The following RIT2 variants were observed in gnomAD, a reference collection of about 807,000 sequenced individuals.
RIT2 encodes Ras like without CAAX 2, also known as GTP-binding protein Rit2.
RIT2 carries 24 observed loss-of-function variants against 23.7 expected under a neutral mutation model. That is an observed-to-expected ratio of 1.01 (90% CI 0.73 to 1.43). The LOEUF (loss-of-function observed/expected upper bound fraction) is 1.43. Among genes scored for constraint, RIT2 ranks in the 40% most tolerant of loss-of-function variants. The pLI is 0.00. For synonymous variants in RIT2, 107 were observed against 91.1 expected (o/e 1.17, Z -0.99); for missense variants, 236 against 266.9 (o/e 0.88, Z 0.81).
In RIT2 at chr18:42,768,280, C is replaced by T. The variant is rs559190175; in HGVS notation, c.427-24560G>A. Among the ~76,000 whole-genome samples the T allele has an allele frequency of 1.8e-4, 27 of 152,214 alleles. No homozygotes were observed. In the South Asian group the frequency reaches 2.9e-3, roughly 16 times the overall value. Reference sequence around the variant, plus strand: ...TTACCATTAACAAAATCATCTAAATCAGGATGGCAGGCTCAAGTGCTGGCC... The same window carrying T: ...TTACCATTAACAAAATCATCTAAATTAGGATGGCAGGCTCAAGTGCTGGCC... On this transcript the variant is annotated intron_variant, in intron 4 of 4. Transcript: ENST00000326695.
intron 2 of RIT2, among the ~76,000 whole-genome samples, chr18:43,019,225 G>T (rs953290877): frequency 2.0e-5 from 3 of 151,462 alleles, no homozygotes; most frequent in African/African-American, 7.3e-5. Flanking sequence ...ATCAAAACCA[G>T]AATAAGCAAC....
intron 3 of RIT2, among the ~76,000 whole-genome samples, chr18:42,928,719 G>A (rs1324100704): frequency 6.6e-6 from 1 of 151,926 alleles, no homozygotes; most frequent in Non-Finnish European, 1.5e-5. Flanking sequence ...GTCTCAATCT[G>A]ATGCCTTAAA....
chr18:42,756,826 C>G lies in RIT2; in HGVS notation c.427-13106G>C, dbSNP rs746448049. 4.2e-4 allele frequency among the ~76,000 whole-genome samples: 63 copies of G among 151,776 alleles called. 1 individual carries two copies. The highest frequency in any genetic ancestry group is 6.8e-3 in the Middle Eastern group (2 of 292). ...CATTTTAACATGGCCTAAAAATGTA[C>G]TCTTTGAAGACCAAAAAATTTTATT... is the stretch of plus-strand genomic sequence containing the variant. On this transcript the variant is annotated intron_variant, in intron 4 of 4. Coordinates refer to ENST00000326695, the MANE Select transcript of RIT2 (RefSeq NM_002930.4).
At chr18:42,984,190 T>G (rs546164440) in intron 2 of RIT2, among the ~76,000 whole-genome samples, 2 of 152,220 alleles carry the variant, frequency 1.3e-5, no homozygotes, top group South Asian at 4.1e-4. Flanking sequence ...TTACACAAAC[T>G]GTGATACAAC....
rs966180202 is a variant in RIT2 at position 42,884,278 on chromosome 18, G to A, written c.426+39294C>T. ...ATTCTCAGTTGATTTCTCTTAGCCC[G>A]GAGGGTGGAGACTCTCAAAGGAAAT... is the stretch of plus-strand genomic sequence containing the variant. On this transcript the variant is annotated intron_variant, in intron 4 of 4. Transcript: ENST00000326695. Among the ~76,000 whole-genome samples, 18 of 152,124 alleles carry A rather than the reference G, an allele frequency of 1.2e-4. 1 individual carries two copies. The highest frequency in any genetic ancestry group is 3.8e-4 in the East Asian group (2 of 5,196).
chr18:42,926,588 A>T (rs1909186427), intron 3 of RIT2, among the ~76,000 whole-genome samples: 1 of 151,968 alleles, frequency 6.6e-6, no homozygotes, highest in African/African-American at 2.4e-5. Flanking sequence ...CCTGTTAGGA[A>T]GACAAGCAAA....
chr18:43,042,088 C>T (rs987904253), intron 1 of RIT2, among the ~76,000 whole-genome samples: 1 of 152,150 alleles, frequency 6.6e-6, no homozygotes, highest in African/African-American at 2.4e-5. Flanking sequence ...TGGCAAATCA[C>T]TGCTTTCCCT....
intron 3 of RIT2, among the ~76,000 whole-genome samples, chr18:42,948,156 A>C (rs1333524292): frequency 6.6e-6 from 1 of 152,106 alleles, no homozygotes; most frequent in African/African-American, 2.4e-5. Flanking sequence ...ATTTAATCTT[A>C]TGCAGAGGAT....
chr18:42,847,985 C>T (rs1906953968), intron 4 of RIT2, among the ~76,000 whole-genome samples: 2 of 150,704 alleles, frequency 1.3e-5, no homozygotes, highest in South Asian at 4.2e-4. Context: ...CTGTGATAGG[C>T]CTCCTAGATC....
At chr18:42,857,698 T>C (rs1243484242) in intron 4 of RIT2, among the ~76,000 whole-genome samples, 1 of 152,160 alleles carries the variant, frequency 6.6e-6, no homozygotes, top group African/African-American at 2.4e-5. Flanking sequence ...ATGCCCTGGA[T>C]GTTTTTGCAT....
chr18:42,780,945 C>G (rs1225904390), intron 4 of RIT2, among the ~76,000 whole-genome samples: 1 of 151,456 alleles, frequency 6.6e-6, no homozygotes, highest in African/African-American at 2.4e-5. Flanking sequence ...ATTATCATCT[C>G]TATTTTATAT....
intron 1 of RIT2, among the ~76,000 whole-genome samples, chr18:43,069,578 C>A (rs1382608449): frequency 6.6e-6 from 1 of 152,134 alleles, no homozygotes; most frequent in Non-Finnish European, 1.5e-5. Context: ...TGCCCACCTA[C>A]AGTCTATGCT....
chr18:42,817,249 G>T (rs574775169), intron 4 of RIT2, among the ~76,000 whole-genome samples: 31 of 152,212 alleles, frequency 2.0e-4, no homozygotes, highest in African/African-American at 6.7e-4. Flanking sequence ...TGTTCTCAAA[G>T]TTGATTCTTT....
At chr18:42,928,096 TCC>T (rs1909228266) in intron 3 of RIT2, among the ~76,000 whole-genome samples, 1 of 151,950 alleles carries the variant, frequency 6.6e-6, no homozygotes, top group South Asian at 2.1e-4. Flanking sequence ...CTGATCTGAA[TCC>T]CTTTTGGCCA....
chr18:42,915,406 A>C (rs911472322), intron 4 of RIT2, among the ~76,000 whole-genome samples: 2 of 152,102 alleles, frequency 1.3e-5, no homozygotes, highest in African/African-American at 2.4e-5. Context: ...ACAAAAGGTT[A>C]GTTAAGAGTG....
chr18:43,011,760 G>A (rs1242473550), intron 2 of RIT2, among the ~76,000 whole-genome samples: 1 of 151,674 alleles, frequency 6.6e-6, no homozygotes, highest in East Asian at 1.9e-4. Context: ...TGTGTTCCTA[G>A]TGCTTTTTCA....
At chr18:42,845,930 A>C (rs1185217355) in intron 4 of RIT2, among the ~76,000 whole-genome samples, 2 of 151,970 alleles carry the variant, frequency 1.3e-5, no homozygotes, top group Non-Finnish European at 2.9e-5. Context: ...TTTTTAATGC[A>C]TATATGAGAA....
chr18:42,941,170 A>C (rs1470520910), intron 3 of RIT2, among the ~76,000 whole-genome samples: 1 of 152,134 alleles, frequency 6.6e-6, no homozygotes, highest in Non-Finnish European at 1.5e-5. Context: ...AGGCAAAAAG[A>C]AATGAGCAAA....
chr18:43,056,330 T>C (rs1236238951), intron 1 of RIT2, among the ~76,000 whole-genome samples: 1 of 152,048 alleles, frequency 6.6e-6, no homozygotes, highest in Non-Finnish European at 1.5e-5. Context: ...ACTGTGAAAC[T>C]CATCAACACT....
Sources: gnomAD v4.1 joint callset for allele counts (sites outside exome capture counted in the v4.1 genomes callset) on GRCh38, gnomAD v4.1.1 for gene constraint, MANE v1.5 for transcripts, NCBI Gene and HGNC (gene_info 2026-07-23, HGNC 2026-07-21) for gene names.